The following ABCA13 variants were observed in gnomAD, a reference collection of about 807,000 sequenced individuals.
ABCA13 encodes the protein ATP binding cassette subfamily A member 13, also known as ATP-binding cassette sub-family A member 13.
In ABCA13, 476 loss-of-function variants were observed where a neutral mutation model predicts 478.7. The ratio of observed to expected loss-of-function variants is 0.99; its 90% CI spans 0.92 to 1.07. The LOEUF is 1.07. ABCA13 is among the 50% of genes least tolerant of loss of function. ABCA13 has a pLI of 0.00. For missense variants in ABCA13, 6,060 were observed against 5,910.6 expected (o/e 1.03, Z -0.83); for synonymous variants, 2,252 against 2,158.9 (o/e 1.04, Z -1.20).
intron 3 of ABCA13, among the ~76,000 whole-genome samples, chr7:48,215,408 C>G (rs891244925): frequency 6.6e-6 from 1 of 152,014 alleles, no homozygotes; most frequent in African/African-American, 2.4e-5. Flanking sequence ...TATCAAAGAT[C>G]ACTGATTACA....
At chr7:48,399,904 G>C (rs1420902717) in intron 38 of ABCA13, among the ~76,000 whole-genome samples, 1 of 152,118 alleles carries the variant, frequency 6.6e-6, no homozygotes, top group African/African-American at 2.4e-5. Context: ...ATTTATGATG[G>C]GTATGTGTTC....
Position 48,245,831 on chromosome 7 carries a change from G to A in ABCA13, c.1492-32G>A, listed in dbSNP as rs765479212. On this transcript the variant is annotated intron_variant, in intron 12 of 61. Transcript: ENST00000435803. ...AGAGGGTATCTAAGCCTCTTTAAAT[G>A]TTACTCCTTCCCACTCTTATTAATC... 6 of 1,587,686 alleles carry A rather than the reference G, an allele frequency of 3.8e-6. 1 individual carries two copies. The South Asian group carries it at 4.6e-5, about 12-fold the overall frequency.
chr7:48,265,975 T>C (rs1287120112), intron 15 of ABCA13, among the ~76,000 whole-genome samples: 1 of 151,742 alleles, frequency 6.6e-6, no homozygotes, highest in Non-Finnish European at 1.5e-5. Context: ...GGAATAGATG[T>C]CAGATTTGTC....
At chr7:48,271,100 G>A (rs1795545429) in intron 16 of ABCA13, among the ~76,000 whole-genome samples, 1 of 152,158 alleles carries the variant, frequency 6.6e-6, no homozygotes, top group East Asian at 1.9e-4. Flanking sequence ...ATTTCTAAAG[G>A]ATGAACATCC....
chr7:48,229,253 A>C (rs971847821), intron 6 of ABCA13, among the ~76,000 whole-genome samples: 8 of 152,146 alleles, frequency 5.3e-5, no homozygotes, highest in African/African-American at 1.9e-4. Flanking sequence ...TTTAAAAATA[A>C]AATTAATATG....
At chr7:48,572,052 C>T (rs765195310) in intron 55 of ABCA13, among the ~76,000 whole-genome samples, 29 of 152,026 alleles carry the variant, frequency 1.9e-4, no homozygotes, top group Non-Finnish European at 2.2e-4. Flanking sequence ...TGGTGGCACA[C>T]GCATGTAATC....
At chr7:48,460,236 T>C (rs1255793128) in intron 43 of ABCA13, among the ~76,000 whole-genome samples, 1 of 152,146 alleles carries the variant, frequency 6.6e-6, no homozygotes, top group Non-Finnish European at 1.5e-5. Context: ...GTTTTTTAGT[T>C]TTCTAGGGCT....
intron 55 of ABCA13, among the ~76,000 whole-genome samples, chr7:48,551,505 T>C (rs764191235): frequency 2.0e-4 from 31 of 151,850 alleles, no homozygotes; most frequent in Non-Finnish European, 3.8e-4. Flanking sequence ...GATTATTAGA[T>C]CTGTCCTTTT....
At chr7:48,439,068 A>G (rs933299533) in intron 42 of ABCA13, among the ~76,000 whole-genome samples, 3 of 152,020 alleles carry the variant, frequency 2.0e-5, no homozygotes, top group African/African-American at 7.2e-5. Flanking sequence ...TTCTATTGCT[A>G]TTAATAAATT....
In ABCA13 at chr7:48,410,561, G is replaced by A. The variant is rs1219971976; in HGVS notation, c.12112G>A (p.Glu4038Lys). Reference sequence around the variant, plus strand: ...CACAACCCACCACCTGGATGAAGCTGAAGCGCTGAGTGACCGCGTGGCCGT... The same window carrying A: ...CACAACCCACCACCTGGATGAAGCTAAAGCGCTGAGTGACCGCGTGGCCGT... ...IFTTHHLDEAEALSDRVAVLQ... is the reference protein window; with the variant it reads ...IFTTHHLDEAKALSDRVAVLQ... The change falls in exon 40 of 62, where the codon GAA becomes AAA. Residue 4038 changes from glutamate (E) to lysine (K), a missense_variant. Coordinates refer to ENST00000435803, the MANE Select transcript of ABCA13 (RefSeq NM_152701.5). 2.1e-5 allele frequency: 34 copies of A among 1,613,902 alleles called. No homozygotes were observed. The highest frequency in any genetic ancestry group is 6.7e-5 in the Admixed American group (4 of 60,012).
At chr7:48,173,235 A>C (rs1201837213) in intron 1 of ABCA13, among the ~76,000 whole-genome samples, 1 of 152,154 alleles carries the variant, frequency 6.6e-6, no homozygotes, top group Non-Finnish European at 1.5e-5. Context: ...ATTTTTCTTT[A>C]GTATTTATCA....
intron 1 of ABCA13, among the ~76,000 whole-genome samples, chr7:48,172,739 A>G (rs943136889): frequency 7.9e-6 from 1 of 126,076 alleles, no homozygotes; most frequent in African/African-American, 2.9e-5. Context: ...CGGAGCTTGC[A>G]GTGAGCCGAG....
chr7:48,620,147 C>CT (rs1472788791), intron 59 of ABCA13, among the ~76,000 whole-genome samples: 3 of 151,468 alleles, frequency 2.0e-5, no homozygotes, highest in African/African-American at 7.3e-5. Flanking sequence ...AGGAGGAGGC[C>CT]TTTTTTAGTT....
chr7:48,534,763 C>T (rs1165810875), intron 55 of ABCA13, among the ~76,000 whole-genome samples: 1 of 152,148 alleles, frequency 6.6e-6, no homozygotes, highest in Non-Finnish European at 1.5e-5. Flanking sequence ...TGCCTTTGAG[C>T]TCTGAAGTTC....
chr7:48,612,045 T>C (rs1225964802), intron 58 of ABCA13: 1 of 152,146 alleles, frequency 6.6e-6, no homozygotes, highest in Non-Finnish European at 1.5e-5. Flanking sequence ...TTTTTTCCTC[T>C]CGCTAAATTC....
At position 48,557,325 on chromosome 7, in the gene ABCA13, G is replaced by A. The variant is rs114467925; in HGVS notation, c.14355-22899G>A. Among the ~76,000 whole-genome samples, 670 of 152,116 alleles carry A rather than the reference G, an allele frequency of 4.4e-3. 3 individuals carry two copies. The highest frequency in any genetic ancestry group is 0.015 in the African/African-American group (621 of 41,528). ...TTTCAGATAATTTCTTATTGCTCAT[G>A]AACAACCTTTTCTTTCAGATTGAAC... On this transcript the variant is annotated intron_variant, in intron 55 of 61. Transcript: ENST00000435803.
intron 17 of ABCA13, 27 bp downstream of exon 17, chr7:48,276,592 A>G (rs1028283464): frequency 2.0e-5 from 32 of 1,584,552 alleles, no homozygotes; most frequent in Non-Finnish European, 2.7e-5. Flanking sequence ...TTTGTGTCAT[A>G]TATGCAGTTG....
chr7:48,580,047 T>A (rs113261648), intron 55 of ABCA13, among the ~76,000 whole-genome samples, 177 bp from the exon 56 acceptor site: 1 of 152,306 alleles, frequency 6.6e-6, no homozygotes, highest in Non-Finnish European at 1.5e-5. Flanking sequence ...AAGAGGCCTA[T>A]TTTGGGGTGA....
At chr7:48,201,271 G>A (rs889348059) in intron 3 of ABCA13, among the ~76,000 whole-genome samples, 10 of 152,218 alleles carry the variant, frequency 6.6e-5, no homozygotes, top group African/African-American at 2.2e-4. Flanking sequence ...GAAATGGGTG[G>A]GAGCGGGTTT....
Sources: gnomAD v4.1 joint callset for allele counts (sites outside exome capture counted in the v4.1 genomes callset) on GRCh38, gnomAD v4.1.1 for gene constraint, MANE v1.5 for transcripts, NCBI Gene and HGNC (gene_info 2026-07-23, HGNC 2026-07-21) for gene names.